Variants in CEP131 observed in about 807,000 individuals in gnomAD.
The protein encoded by CEP131 is centrosomal protein 131, also known as centrosomal protein of 131 kDa.
In CEP131, 99 loss-of-function variants were observed where a neutral mutation model predicts 136.8. The ratio of observed to expected loss-of-function variants is 0.72; its 90% CI spans 0.62 to 0.86. CEP131 has a LOEUF of 0.86. Among genes scored for constraint, CEP131 ranks in the 40% least tolerant of loss-of-function variants. The probability of loss-of-function intolerance (pLI) is 0.00; values close to 1 mark genes in which losing one functional copy is unlikely to be tolerated. For synonymous variants in CEP131, 646 were observed against 612.7 expected (o/e 1.05, Z -0.80); for missense variants, 1,459 against 1,463.0 (o/e 1.00, Z 0.04).
chr17:81,193,498 G>A lies in CEP131; in HGVS notation c.2321+428C>T, dbSNP rs377103239. Among the ~76,000 whole-genome samples the A allele has an allele frequency of 1.1e-4, 17 of 152,290 alleles. No homozygotes were observed. In the South Asian group the frequency reaches 1.7e-3, roughly 15 times the overall value. On this transcript the variant is annotated intron_variant, in intron 18 of 25. Transcript: ENST00000450824. The stretch of plus-strand genomic sequence containing the variant: ...GTCCCCAGCCCCCAGGGCTCAGGAC[G>A]CAAGAGCAGCAGTCACCCCTCAGAC...
At chr17:81,210,254 C>T (rs1014259785) in intron 2 of CEP131, among the ~76,000 whole-genome samples, 3 of 152,092 alleles carry the variant, frequency 2.0e-5, no homozygotes, top group African/African-American at 4.8e-5. Flanking sequence ...TTTGGGAGGC[C>T]GGGGTGGGCA....
chr17:81,190,334 C>T (rs74359366), intron 24 of CEP131, among the ~76,000 whole-genome samples: 1,533 of 152,288 alleles, frequency 0.01, 20 homozygotes, highest in African/African-American at 0.034. Flanking sequence ...GCTCTTTCAG[C>T]GCCTGTCCAC....
chr17:81,214,543 T>C (rs1348038043), intron 2 of CEP131, among the ~76,000 whole-genome samples: 2 of 148,622 alleles, frequency 1.3e-5, no homozygotes, highest in Non-Finnish European at 3.0e-5. Context: ...GTGACAGGAG[T>C]GAAACTTCAT....
At position 81,198,110 on chromosome 17, in the gene CEP131, G is replaced by T; in HGVS notation, c.1470+5C>A. ...CTGTGCAGGGCGGGCGCACACCGTG[G>T]TCACCTCGCTGGCCCAGGCGTATCT... On this transcript the variant is annotated splice_donor_5th_base_variant and intron_variant, in intron 12 of 25. Coordinates refer to ENST00000450824, the MANE Select transcript of CEP131 (RefSeq NM_014984.4). 6.4e-7 allele frequency: 1 copy of T among 1,557,332 alleles called. No homozygotes were observed.
chr17:81,218,876 C>T (rs1232560766), intron 2 of CEP131, among the ~76,000 whole-genome samples: 2 of 152,236 alleles, frequency 1.3e-5, no homozygotes, highest in South Asian at 2.1e-4. Flanking sequence ...GCCTCAACTG[C>T]CCTCCAGACC....
rs1227484281 is a variant in CEP131 at position 81,191,195 on chromosome 17, G to A, written c.2763C>T (p.Ser921=). 6.2e-7 allele frequency: 1 copy of A among 1,611,280 alleles called. No individual in the cohort carries two copies. Among genetic ancestry groups the A allele is most frequent in the East Asian group, 2.2e-5 (1 of 44,884 alleles). The change falls in exon 22 of 26, where the codon AGC becomes AGT. Residue 921 remains serine (S), a splice_region_variant and synonymous_variant. Coordinates refer to ENST00000450824, the MANE Select transcript of CEP131 (RefSeq NM_014984.4). Reference sequence around the variant, plus strand: ...ACCCAGCCATGGCGGGTCCTTACCGGCTCTCGGCAGCCTTCTCACTCTCCT... The same window carrying A: ...ACCCAGCCATGGCGGGTCCTTACCGACTCTCGGCAGCCTTCTCACTCTCCT... ...AKEESEKAAE[S]RIKRLRDKYE...
intron 2 of CEP131, among the ~76,000 whole-genome samples, chr17:81,214,626 T>G (rs796163363): frequency 1.3e-5 from 2 of 152,172 alleles, no homozygotes; most frequent in African/African-American, 4.8e-5. Context: ...TCAGATATCT[T>G]TTGTTACATA....
chr17:81,197,139 C>G, intron 13 of CEP131, 84 bp from the exon 14 acceptor site: 1 of 1,485,910 alleles, frequency 6.7e-7, no homozygotes, highest in Non-Finnish European at 8.9e-7. Flanking sequence ...TGCGGCCCTG[C>G]CCTCTGGGGA....
chr17:81,195,835 C>T lies in CEP131; in HGVS notation c.2016G>A (p.Leu672=), dbSNP rs1421724314. 2.5e-6 allele frequency: 4 copies of T among 1,602,448 alleles called. No homozygotes were observed. Among genetic ancestry groups the T allele is most frequent in the Middle Eastern group, 1.8e-4 (1 of 5,530 alleles). Residue 672 remains leucine, a splice_region_variant and synonymous_variant, in exon 16 of 26, where the codon CTG becomes CTA. Transcript: ENST00000450824. ...CGTGCAGTAGGGAGCAAAGCCTCAC[C>T]AGCTCGTGCTGCGCCTGTGCCTGGG... ...RVAQAQAQHE[L]EIKKLKELMS... is the part of the protein sequence containing the mutation.
chr17:81,194,879 T>C lies in CEP131; in HGVS notation c.2110A>G (p.Thr704Ala). ...GGAGGGGAGGGCCCACCTCGGACAGTGACCTCCTTGATCTTCTTGGTTTTC... is the reference window on the plus strand; with the variant it reads ...GGAGGGGAGGGCCCACCTCGGACAGCGACCTCCTTGATCTTCTTGGTTTTC... ...SEKTKKIKEVTVRGLEPEIQK... is the reference protein window; with the variant it reads ...SEKTKKIKEVAVRGLEPEIQK... Residue 704 changes from threonine (T) to alanine (A), a missense_variant, in exon 17 of 26, where the codon ACT becomes GCT. Coordinates refer to ENST00000450824, the MANE Select transcript of CEP131 (RefSeq NM_014984.4). The C allele has an allele frequency of 6.2e-7, 1 of 1,613,198 alleles. No homozygotes were observed. Among genetic ancestry groups the C allele is most frequent in the Non-Finnish European group, 8.5e-7 (1 of 1,179,894 alleles).
At chr17:81,197,933 A>C in intron 12 of CEP131, 45 bp from the exon 13 acceptor site, 3 of 1,586,148 alleles carry the variant, frequency 1.9e-6, no homozygotes, top group Non-Finnish European at 2.6e-6. Flanking sequence ...GGGCAGCCTG[A>C]GGACTTGGGT....
Position 81,207,131 on chromosome 17 carries a change from G to A in CEP131, c.381C>T (p.Asn127=), listed in dbSNP as rs764444966. 41 of 1,612,006 alleles carry A rather than the reference G, an allele frequency of 2.5e-5. No homozygotes were observed. The East Asian group carries it at 8.5e-4, about 33-fold the overall frequency. The change falls in exon 4 of 26, where the codon AAC becomes AAT. Residue 127 remains asparagine, a synonymous_variant. Coordinates refer to ENST00000450824, the MANE Select transcript of CEP131 (RefSeq NM_014984.4). ...TAPSEKGATW[N]VLDDQPRGFT... ...GCCGCATGCACCACCTTACCAGGACGTTCCAGGTGGCTCCCTTCTCGCTGG... is the reference window on the plus strand; with the variant it reads ...GCCGCATGCACCACCTTACCAGGACATTCCAGGTGGCTCCCTTCTCGCTGG...
intron 2 of CEP131, among the ~76,000 whole-genome samples, chr17:81,213,929 G>A (rs1470398371): frequency 6.6e-6 from 1 of 152,148 alleles, no homozygotes; most frequent in Non-Finnish European, 1.5e-5. Flanking sequence ...GGGCCAACAG[G>A]GGGCCATTCT....
chr17:81,196,607 G>C, intron 15 of CEP131, 94 bp downstream of exon 15: 3 of 1,492,148 alleles, frequency 2.0e-6, no homozygotes, highest in African/African-American at 2.8e-5. Context: ...CCCAACAGAG[G>C]AAGAAGCTCC....
In CEP131 at chr17:81,194,029, G is replaced by A. The variant is rs774915178; in HGVS notation, c.2218C>T (p.Arg740Trp). 23 of 1,576,930 alleles carry A rather than the reference G, an allele frequency of 1.5e-5. No homozygotes were observed. The highest frequency in any genetic ancestry group is 4.1e-5 in the African/African-American group (3 of 73,454). Residue 740 changes from arginine (R) to tryptophan (W), a missense_variant, in exon 18 of 26, where the codon CGG becomes TGG. Coordinates refer to ENST00000450824, the MANE Select transcript of CEP131 (RefSeq NM_014984.4). Reference sequence around the variant, plus strand: ...TGGCGCAGGCAGCGCTGCGAGGCCCGCTCATCCGACTGCAGCAGCTCCGCC... The same window carrying A: ...TGGCGCAGGCAGCGCTGCGAGGCCCACTCATCCGACTGCAGCAGCTCCGCC... ...HEAELLQSDE[R>W]ASQRCLRQAE...
intron 2 of CEP131, among the ~76,000 whole-genome samples, chr17:81,214,634 A>G (rs2062205560): frequency 6.6e-6 from 1 of 152,226 alleles, no homozygotes; most frequent in African/African-American, 2.4e-5. Flanking sequence ...CTTTTGTTAC[A>G]TATGGATCCT....
chr17:81,219,676 A>G lies in CEP131; in HGVS notation c.177+204T>C, dbSNP rs938427557. ...CTGGGGCTGTTGCTGAAAGAATCCA[A>G]GCTCTGGCTTGACTTTCTAGTGATT... is the stretch of plus-strand genomic sequence containing the variant. On this transcript the variant is annotated intron_variant, in intron 2 of 25. Coordinates refer to ENST00000450824, the MANE Select transcript of CEP131 (RefSeq NM_014984.4). This position sits in a 1 kb window ranked among gnomAD's most constrained non-coding sequence, Gnocchi z 4.0. Among the ~76,000 whole-genome samples the G allele has an allele frequency of 1.3e-5, 2 of 152,096 alleles. No homozygotes were observed. Among genetic ancestry groups the G allele is most frequent in the Admixed American group, 6.5e-5 (1 of 15,272 alleles).
chr17:81,217,964 C>T (rs1244705878), intron 2 of CEP131, among the ~76,000 whole-genome samples: 1 of 152,188 alleles, frequency 6.6e-6, no homozygotes, highest in Non-Finnish European at 1.5e-5. Flanking sequence ...ACAACAGTCT[C>T]CACACAACAA....
In CEP131 at chr17:81,193,914, GCCA is replaced by G; in HGVS notation, c.2321+9_2321+11del. On this transcript the variant is annotated intron_variant, in intron 18 of 25. Transcript: ENST00000450824. ...AGGGTCCTGGCCCCACCGGCCTGGG[GCCA>G]CCACCCACCGCTGCCGAGCACGTTC... The G allele has an allele frequency of 6.5e-7, 1 of 1,532,660 alleles. No homozygotes were observed. Among genetic ancestry groups the G allele is most frequent in the Non-Finnish European group, 8.8e-7 (1 of 1,142,426 alleles). The allele number at this position is 1,532,660 out of a possible 1,614,324, so 94.9% of individuals were successfully genotyped here.
Sources: allele counts gnomAD v4.1 joint callset (sites outside exome capture counted in the v4.1 genomes callset), GRCh38; gene constraint gnomAD v4.1.1; non-coding constraint Gnocchi (gnomAD v3.1); transcripts MANE v1.5; gene names NCBI Gene and HGNC (gene_info 2026-07-23, HGNC 2026-07-21).